Variants in KMT2E observed in about 807,000 individuals in gnomAD.
KMT2E encodes lysine methyltransferase 2E (inactive).
A neutral mutation model predicts 184.6 loss-of-function variants in KMT2E; 30 were observed. That is an observed-to-expected ratio of 0.16 (90% CI 0.12 to 0.22). The LOEUF is 0.22. Among genes scored for constraint, KMT2E ranks in the 10% least tolerant of loss-of-function variants. KMT2E has a pLI of 1.00. For missense variants in KMT2E, 2,023 were observed against 2,237.4 expected (o/e 0.90, Z 1.93); for synonymous variants, 815 against 776.5 (o/e 1.05, Z -0.82).
chr7:105,097,408 C>T (rs570496051), intron 15 of KMT2E, among the ~76,000 whole-genome samples: 7 of 152,062 alleles, frequency 4.6e-5, no homozygotes, highest in Admixed American at 2.0e-4. Context: ...TTTTTTGAGA[C>T]GGAGTCACAC....
rs1797769164 is a variant in KMT2E at position 105,081,685 on chromosome 7, T to C, written c.1249-3T>C. 3 of 1,357,338 alleles carry C rather than the reference T, an allele frequency of 2.2e-6. No homozygotes were observed. Among genetic ancestry groups the C allele is most frequent in the Non-Finnish European group, 3.1e-6 (3 of 963,202 alleles). 84.1% of individuals were successfully genotyped at this position (1,357,338 alleles called of 1,614,324 possible). On this transcript the variant is annotated splice_polypyrimidine_tract_variant and splice_region_variant and intron_variant, in intron 12 of 26. Coordinates refer to ENST00000311117, the MANE Select transcript of KMT2E (RefSeq NM_182931.3). ...GGTAATGTACAATTATTTTAACTTTTAGGTGAGGCATGAAATTCAAGATGG... is the reference window on the plus strand; with the variant it reads ...GGTAATGTACAATTATTTTAACTTTCAGGTGAGGCATGAAATTCAAGATGG...
In KMT2E at chr7:105,079,511, CTTTTT is replaced by C. The variant is rs66734303; in HGVS notation, c.1248+574_1248+578del. Among the ~76,000 whole-genome samples the C allele has an allele frequency of 1.6e-3, 99 of 62,298 alleles. 1 individual carries two copies. In the East Asian group the frequency reaches 0.042, roughly 26 times the overall value. The allele number at this position is 62,298 out of a possible 152,430, so 40.9% of individuals were successfully genotyped here. ...CTTATAAGAGGAAATATTGGACTTC[CTTTTT>C]TTTTTTTTTTTTTTTTTTTTTTTTT... On this transcript the variant is annotated intron_variant, in intron 12 of 26. Transcript: ENST00000311117.
Position 105,082,065 on chromosome 7 carries a change from C to T in KMT2E, c.1358+268C>T, listed in dbSNP as rs547517936. On this transcript the variant is annotated intron_variant, in intron 13 of 26. Coordinates refer to ENST00000311117, the MANE Select transcript of KMT2E (RefSeq NM_182931.3). ...CCTAATTCAGCCATACAACACTGACCTTGTTTATGTGAGAATTTTTTTCTT... is the reference window on the plus strand; with the variant it reads ...CCTAATTCAGCCATACAACACTGACTTTGTTTATGTGAGAATTTTTTTCTT... Among the ~76,000 whole-genome samples the T allele has an allele frequency of 2.5e-3, 376 of 152,126 alleles. 1 individual carries two copies. The highest frequency in any genetic ancestry group is 4.2e-3 in the Non-Finnish European group (285 of 67,994).
Position 105,040,997 on chromosome 7 carries a change from A to C in KMT2E, c.45A>C (p.Ser15=), listed in dbSNP as rs1795852211. ...TGGGGGTTGATACAGCAGAGACGTC[A>C]TACTTGGAAATGGCTGCAGGTTCAG... ...IPLGVDTAET[S]YLEMAAGSEP... is the part of the protein sequence containing the mutation. Residue 15 remains serine, a synonymous_variant, in exon 3 of 27, where the codon TCA becomes TCC. Transcript: ENST00000311117. 6.2e-7 allele frequency: 1 copy of C among 1,611,032 alleles called. No individual in the cohort carries two copies. The highest frequency in any genetic ancestry group is 1.3e-5 in the African/African-American group (1 of 74,250).
chr7:105,037,719 G>C (rs1376661233), intron 1 of KMT2E, among the ~76,000 whole-genome samples: 1 of 152,042 alleles, frequency 6.6e-6, no homozygotes, highest in Admixed American at 6.6e-5. Context: ...CAGTTTTTCT[G>C]ATAAACTGTT....
At chr7:105,044,662 T>A (rs1796022841) in intron 3 of KMT2E, among the ~76,000 whole-genome samples, 1 of 152,170 alleles carries the variant, frequency 6.6e-6, no homozygotes, top group Non-Finnish European at 1.5e-5. Flanking sequence ...GTGACCCTAT[T>A]TCCAAGAATA....
At chr7:105,018,209 C>G (rs920936042) in intron 1 of KMT2E, among the ~76,000 whole-genome samples, 3 of 152,154 alleles carry the variant, frequency 2.0e-5, no homozygotes, top group African/African-American at 7.2e-5. Flanking sequence ...CTCTGCATTT[C>G]TGGAAGCTAC....
chr7:105,089,969 T>G (rs1798134032), intron 13 of KMT2E, 40 bp from the exon 14 acceptor site: 1 of 1,586,568 alleles, frequency 6.3e-7, no homozygotes, highest in African/African-American at 1.4e-5. Flanking sequence ...CAGTTTTGTT[T>G]TATATTTTGA....
intron 6 of KMT2E, among the ~76,000 whole-genome samples, chr7:105,071,580 G>GTATATATATATATATATATATATATATA (rs1438005247): frequency 1.5e-5 from 1 of 64,968 alleles, no homozygotes; most frequent in Non-Finnish European, 2.7e-5. Context: ...GTATGTGTGT[G>GTATATATATATATATATATATATATATA]TGTATATATA....
chr7:105,107,052 CAAG>C, intron 20 of KMT2E, 111 bp from the exon 21 acceptor site: 1 of 676,752 alleles, frequency 1.5e-6, no homozygotes, highest in Non-Finnish European at 2.4e-6. Context: ...AAACAGGAAA[CAAG>C]ATCTAAAACT....
At chr7:105,083,586 T>C (rs1378124531) in intron 13 of KMT2E, among the ~76,000 whole-genome samples, 2 of 152,204 alleles carry the variant, frequency 1.3e-5, no homozygotes, top group Admixed American at 6.5e-5. Flanking sequence ...GTTTAGCAGC[T>C]TTATAGATAA....
intron 12 of KMT2E, among the ~76,000 whole-genome samples, chr7:105,079,563 C>T: frequency 7.9e-6 from 1 of 126,064 alleles, no homozygotes; most frequent in African/African-American, 3.0e-5. Flanking sequence ...TCACTGTCTC[C>T]CAGGCTGGAG....
At chr7:105,042,098 C>G (rs773472987) in intron 3 of KMT2E, among the ~76,000 whole-genome samples, 1 of 152,140 alleles carries the variant, frequency 6.6e-6, no homozygotes, top group Non-Finnish European at 1.5e-5. Context: ...TCAAGGGATT[C>G]TCATGTCTTA....
In KMT2E at chr7:105,114,280, G is replaced by A. The variant is rs560059599; in HGVS notation, c.*947G>A. The A allele has an allele frequency of 7.9e-5, 12 of 152,306 alleles. No homozygotes were observed. The East Asian group carries it at 2.3e-3, about 29-fold the overall frequency. 9.4% of individuals were successfully genotyped at this position (152,306 alleles called of 1,614,324 possible). On this transcript the variant is annotated 3_prime_UTR_variant, in exon 27 of 27. Transcript: ENST00000311117. ...AGGAGCCATAGGAAACTACTGAAAT[G>A]ATTGTGCTGGGTAAATTAAGGATCT...
At position 105,082,599 on chromosome 7, in the gene KMT2E, G is replaced by A. The variant is rs185336624; in HGVS notation, c.1358+802G>A. Among the ~76,000 whole-genome samples the A allele has an allele frequency of 1.6e-3, 246 of 152,200 alleles. 2 individuals carry two copies. The highest frequency in any genetic ancestry group is 5.6e-3 in the African/African-American group (231 of 41,490). ...GTTGAGTAGGCTGAGGAGGAAGGGT[G>A]GGGGTTGCTCTTGCTGTCTCAGGGG... is the stretch of plus-strand genomic sequence containing the variant. On this transcript the variant is annotated intron_variant, in intron 13 of 26. Coordinates refer to ENST00000311117, the MANE Select transcript of KMT2E (RefSeq NM_182931.3).
At chr7:105,065,144 C>T (rs940818523) in intron 5 of KMT2E, among the ~76,000 whole-genome samples, 3 of 152,116 alleles carry the variant, frequency 2.0e-5, no homozygotes, top group Non-Finnish European at 4.4e-5. Flanking sequence ...GTTGCTCAGC[C>T]TGTAGTCTCC....
At chr7:105,066,352 C>G (rs1432451510) in intron 5 of KMT2E, among the ~76,000 whole-genome samples, 3 of 152,108 alleles carry the variant, frequency 2.0e-5, no homozygotes, top group African/African-American at 4.8e-5. Flanking sequence ...TGTTGCTACA[C>G]TGATAGCTTA....
intron 3 of KMT2E, among the ~76,000 whole-genome samples, chr7:105,042,953 G>C (rs2129565495): frequency 6.6e-6 from 1 of 152,240 alleles, no homozygotes; most frequent in African/African-American, 2.4e-5. Flanking sequence ...TATGTTATTG[G>C]AGGTCTTAAC....
At position 105,113,446 on chromosome 7, in the gene KMT2E, C is replaced by T; in HGVS notation, c.*113C>T. On this transcript the variant is annotated 3_prime_UTR_variant, in exon 27 of 27. Transcript: ENST00000311117. The stretch of plus-strand genomic sequence containing the variant: ...TACATGAACCTTTGTATAAAAAACA[C>T]CAGTGCTCTTTCGTTGTATTTTTCT... 2 of 1,146,464 alleles carry T rather than the reference C, an allele frequency of 1.7e-6. No individual in the cohort carries two copies. Among genetic ancestry groups the T allele is most frequent in the East Asian group, 2.7e-5 (1 of 37,678 alleles). The allele number at this position is 1,146,464 out of a possible 1,614,324, so 71.0% of individuals were successfully genotyped here.
Sources: allele counts gnomAD v4.1 joint callset (sites outside exome capture counted in the v4.1 genomes callset), GRCh38; gene constraint gnomAD v4.1.1; transcripts MANE v1.5; gene names NCBI Gene and HGNC (gene_info 2026-07-23, HGNC 2026-07-21).